PTBP2: variants seen among roughly 807,000 people sequenced by gnomAD.
PTBP2 encodes the protein polypyrimidine tract binding protein 2.
PTBP2 carries 13 observed loss-of-function variants against 61.4 expected under a neutral mutation model. The ratio of observed to expected loss-of-function variants is 0.21; its 90% CI spans 0.14 to 0.34. The LOEUF is 0.34. Ranked by LOEUF, PTBP2 falls within the 10% of genes least tolerant of loss-of-function variation. The probability of loss-of-function intolerance (pLI) is 1.00; values close to 1 mark genes in which losing one functional copy is unlikely to be tolerated. For synonymous variants in PTBP2, 215 were observed against 218.5 expected (o/e 0.98, Z 0.14); for missense variants, 405 against 642.6 (o/e 0.63, Z 4.00).
At chr1:96,724,720 G>T (rs1650144708) in intron 2 of PTBP2, among the ~76,000 whole-genome samples, 2 of 137,446 alleles carry the variant, frequency 1.5e-5, no homozygotes, top group South Asian at 5.5e-4. Flanking sequence ...TAGGGGGGAG[G>T]GGGGAGGGAT....
intron 8 of PTBP2, among the ~76,000 whole-genome samples, chr1:96,789,653 T>TA (rs1452064646): frequency 1.3e-5 from 2 of 152,160 alleles, no homozygotes; most frequent in East Asian, 3.8e-4. Context: ...CTTTCTTTGT[T>TA]ACATTTGTAT....
chr1:96,773,638 T>C (rs1379313545), intron 5 of PTBP2, among the ~76,000 whole-genome samples: 1 of 151,954 alleles, frequency 6.6e-6, no homozygotes, highest in Non-Finnish European at 1.5e-5. Context: ...TCCCCCCAAA[T>C]ACCAAAGAGG....
intron 3 of PTBP2, among the ~76,000 whole-genome samples, chr1:96,761,477 G>T (rs1347997835): frequency 2.0e-5 from 3 of 151,646 alleles, no homozygotes; most frequent in Admixed American, 2.0e-4. Flanking sequence ...ATAGAGGGGA[G>T]AATAGTTTTA....
At chr1:96,821,297 A>G (rs1340812063) in exon 14 of PTBP2, 1 of 152,152 alleles carries the variant, frequency 6.6e-6, no homozygotes, top group Non-Finnish European at 1.5e-5. Context: ...CACAGTGTAT[A>G]TATGAGATTA....
At chr1:96,757,531 G>A (rs937479337) in intron 3 of PTBP2, among the ~76,000 whole-genome samples, 1 of 152,066 alleles carries the variant, frequency 6.6e-6, no homozygotes, top group Non-Finnish European at 1.5e-5. Context: ...GCAATTGATA[G>A]GATAGTACAG....
intron 2 of PTBP2, among the ~76,000 whole-genome samples, chr1:96,730,913 C>T (rs771262496): frequency 1.3e-5 from 2 of 152,098 alleles, no homozygotes; most frequent in Admixed American, 1.3e-4. Flanking sequence ...TCTTGAAAAG[C>T]AATTATTCTG....
At chr1:96,753,445 G>A (rs1187013873) in intron 3 of PTBP2, among the ~76,000 whole-genome samples, 2 of 152,002 alleles carry the variant, frequency 1.3e-5, no homozygotes, top group Admixed American at 6.6e-5. Flanking sequence ...AACTGATGAA[G>A]GATTAATCAG....
intron 2 of PTBP2, among the ~76,000 whole-genome samples, chr1:96,731,959 A>G (rs895945214): frequency 4.6e-5 from 7 of 152,166 alleles, no homozygotes; most frequent in African/African-American, 1.2e-4. Context: ...ATGGTCCCCA[A>G]TACGGTAAAA....
At chr1:96,793,630 C>T (rs1660081628) in intron 8 of PTBP2, among the ~76,000 whole-genome samples, 1 of 152,166 alleles carries the variant, frequency 6.6e-6, no homozygotes, top group African/African-American at 2.4e-5. Flanking sequence ...CTTGGTCTCC[C>T]AAAGTGCTGG....
At chr1:96,800,791 A>C (rs978133606) in intron 8 of PTBP2, among the ~76,000 whole-genome samples, 2 of 152,060 alleles carry the variant, frequency 1.3e-5, no homozygotes, top group Non-Finnish European at 2.9e-5. Flanking sequence ...TACCATTATA[A>C]ATTTATTTTA....
chr1:96,740,570 C>T lies in PTBP2; in HGVS notation c.40-10855C>T, dbSNP rs574358988. Among the ~76,000 whole-genome samples, 43 of 152,236 alleles carry T rather than the reference C, an allele frequency of 2.8e-4. 1 individual carries two copies. The South Asian group carries it at 7.1e-3, about 25-fold the overall frequency. On this transcript the variant is annotated intron_variant, in intron 2 of 13. Coordinates refer to ENST00000674951, the MANE Select transcript of PTBP2 (RefSeq NM_021190.4). Reference sequence around the variant, plus strand: ...ACATAAGCATTGAGTTGATAATACCCTGCATATAGTTGACCCATACTTCTC... The same window carrying T: ...ACATAAGCATTGAGTTGATAATACCTTGCATATAGTTGACCCATACTTCTC...
At chr1:96,807,576 A>T (rs1036426252) in intron 11 of PTBP2, among the ~76,000 whole-genome samples, 1 of 152,192 alleles carries the variant, frequency 6.6e-6, no homozygotes, top group Non-Finnish European at 1.5e-5. Context: ...AAATGCCAGG[A>T]TGTTCTTACA....
chr1:96,769,667 G>T, intron 3 of PTBP2, 36 bp from the exon 4 acceptor site: 1 of 1,350,038 alleles, frequency 7.4e-7, no homozygotes, highest in Non-Finnish European at 9.8e-7. Flanking sequence ...TTCTTTTATT[G>T]TTGATATATA....
At chr1:96,798,683 G>A (rs1660641311) in intron 8 of PTBP2, among the ~76,000 whole-genome samples, 1 of 152,128 alleles carries the variant, frequency 6.6e-6, no homozygotes, top group African/African-American at 2.4e-5. Context: ...AACAAAAAAG[G>A]GACATTAGAT....
chr1:96,778,238 A>G (rs1240028401), intron 7 of PTBP2, among the ~76,000 whole-genome samples: 1 of 150,716 alleles, frequency 6.6e-6, no homozygotes, highest in African/African-American at 2.4e-5. Flanking sequence ...TATATTGTGA[A>G]TGTGCACCAG....
chr1:96,740,729 C>A (rs558614006), intron 2 of PTBP2, among the ~76,000 whole-genome samples: 50 of 152,000 alleles, frequency 3.3e-4, no homozygotes, highest in Non-Finnish European at 6.8e-4. Context: ...GATGTACTAT[C>A]ATGCTGTATG....
chr1:96,777,191 C>T lies in PTBP2; in HGVS notation c.433-394C>T, dbSNP rs140726532. 2.5e-3 allele frequency among the ~76,000 whole-genome samples: 385 copies of T among 152,214 alleles called. 2 individuals are homozygous for T. The highest frequency in any genetic ancestry group is 8.3e-3 in the African/African-American group (345 of 41,550). On this transcript the variant is annotated intron_variant, in intron 5 of 13. Transcript: ENST00000674951. ...TTCTTTTGGATAATTCAGTAACCCC[C>T]TTGTTGAGATTTACAACGTACCTGT...
Position 96,812,853 on chromosome 1 carries a change from G to A in PTBP2, c.1313G>A (p.Arg438His). 6.2e-7 allele frequency: 1 copy of A among 1,613,806 alleles called. No homozygotes were observed. Among genetic ancestry groups the A allele is most frequent in the Non-Finnish European group, 8.5e-7 (1 of 1,179,820 alleles). The change falls in exon 12 of 14, where the codon CGT becomes CAT. Residue 438 changes from arginine to histidine, a missense_variant. Coordinates refer to ENST00000674951, the MANE Select transcript of PTBP2 (RefSeq NM_021190.4). ...GATTTTGGTAATTCCCCATTGCATC[G>A]TTTTAAGAAACCTGGATCCAAAAAT... ...TKDFGNSPLHRFKKPGSKNFQ... is the reference protein window; with the variant it reads ...TKDFGNSPLHHFKKPGSKNFQ...
chr1:96,745,165 C>T (rs182120204), intron 2 of PTBP2, among the ~76,000 whole-genome samples: 2 of 143,460 alleles, frequency 1.4e-5, no homozygotes, highest in African/African-American at 5.0e-5. Context: ...CCATATGCAG[C>T]AATATTGCTT....
Sources: gnomAD v4.1 joint callset for allele counts (sites outside exome capture counted in the v4.1 genomes callset) on GRCh38, gnomAD v4.1.1 for gene constraint, MANE v1.5 for transcripts, NCBI Gene and HGNC (gene_info 2026-07-23, HGNC 2026-07-21) for gene names.